ZNF18: variants seen among roughly 807,000 people sequenced by gnomAD.
The protein encoded by ZNF18 is heart development-specific gene 1 protein.
A neutral mutation model predicts 58.1 loss-of-function variants in ZNF18; 42 were observed. The observed-to-expected ratio is 0.72, with a 90% CI of 0.56 to 0.93. The LOEUF (loss-of-function observed/expected upper bound fraction) is 0.93, where lower values mean the gene tolerates loss of function less well. Ranked by LOEUF, ZNF18 falls within the 40% of genes least tolerant of loss-of-function variation. The pLI is 0.00. For synonymous variants in ZNF18, 231 were observed against 239.8 expected (o/e 0.96, Z 0.34); for missense variants, 540 against 644.2 (o/e 0.84, Z 1.75).
At chr17:11,998,141 G>A (rs1968582779), upstream of ZNF18, among the ~76,000 whole-genome samples, 1 of 151,874 alleles carries the variant, frequency 6.6e-6, no homozygotes, top group African/African-American at 2.4e-5. Context: ...TGAATCCTCT[G>A]ATTTGACCTC....
At position 11,983,304 on chromosome 17, in the gene ZNF18, G is replaced by A. The variant is rs2151473434; in HGVS notation, c.855C>T (p.Thr285=). The change falls in exon 6 of 7, where the codon ACC becomes ACT. Residue 285 remains threonine (T), a synonymous_variant. Transcript: ENST00000580306. ...CAATGAAAGATTACTCACCTATGCAGGTGGGTCTTGGGATCTTCTCATTGA... is the reference window on the plus strand; with the variant it reads ...CAATGAAAGATTACTCACCTATGCAAGTGGGTCTTGGGATCTTCTCATTGA... ...LHVNEKIPRP[T]CIGDRQENDK... is the part of the protein sequence containing the mutation. 6.2e-7 allele frequency: 1 copy of A among 1,610,974 alleles called. No individual in the cohort carries two copies. Among genetic ancestry groups the A allele is most frequent in the Non-Finnish European group, 8.5e-7 (1 of 1,177,192 alleles).
intron 1 of ZNF18, among the ~76,000 whole-genome samples, chr17:11,995,123 C>T (rs972302786): frequency 6.6e-6 from 1 of 151,896 alleles, no homozygotes; most frequent in African/African-American, 2.4e-5. Context: ...AAAAAGAAAC[C>T]CAGGTCTGAG....
At chr17:11,993,079 A>T (rs1597978185) in intron 1 of ZNF18, among the ~76,000 whole-genome samples, 168 bp from the exon 2 acceptor site, 1 of 152,202 alleles carries the variant, frequency 6.6e-6, no homozygotes, top group Admixed American at 6.5e-5. Flanking sequence ...TGAAGCCACA[A>T]AGCAAACTAC....
chr17:12,021,171 C>T, the ZNF18 span, among the ~76,000 whole-genome samples: 1 of 151,728 alleles, frequency 6.6e-6, no homozygotes, highest in Admixed American at 6.6e-5. Context: ...GCCTCCGGCC[C>T]GGCTTGGATC....
chr17:12,013,953 G>A, the ZNF18 span, among the ~76,000 whole-genome samples: 1 of 152,234 alleles, frequency 6.6e-6, no homozygotes, highest in Non-Finnish European at 1.5e-5. Flanking sequence ...GGGACCAAAA[G>A]TGACTGACAG....
intron 5 of ZNF18, 63 bp downstream of exon 5, chr17:11,984,050 G>A: frequency 6.7e-7 from 1 of 1,486,708 alleles, no homozygotes; most frequent in Non-Finnish European, 9.2e-7. Flanking sequence ...TAAGTGCATG[G>A]AAAATGCCTC....
chr17:11,988,799 C>T (rs1967912929), intron 4 of ZNF18, among the ~76,000 whole-genome samples: 1 of 150,186 alleles, frequency 6.7e-6, no homozygotes, highest in Admixed American at 6.6e-5. Context: ...AGCACCCCAC[C>T]AATGTGATAC....
At chr17:12,017,391 C>T in the ZNF18 span, among the ~76,000 whole-genome samples, 10 of 152,110 alleles carry the variant, frequency 6.6e-5, no homozygotes, top group African/African-American at 2.4e-4. Context: ...GTGGCCTGGT[C>T]CTGAGCCCTT....
the ZNF18 span, chr17:12,021,441 G>T: frequency 6.6e-6 from 1 of 151,914 alleles, no homozygotes; most frequent in Non-Finnish European, 1.5e-5. Flanking sequence ...GGCGAAGACA[G>T]CGGCCCCGGC....
At chr17:12,011,178 G>A in the ZNF18 span, 1 of 580,766 alleles carries the variant, frequency 1.7e-6, no homozygotes, top group East Asian at 3.0e-5. Flanking sequence ...AAAACTCCTG[G>A]AGAACATATA....
In ZNF18 at chr17:11,992,913, T is replaced by C; in HGVS notation, c.-82-2A>G. ...AAGAACTAGGTCTTCACCAGGACAC[T>C]AAAAAGGGAATGAGATTGAGTGCTA... On this transcript the variant is annotated splice_acceptor_variant, in intron 1 of 6. Coordinates refer to ENST00000580306, the MANE Select transcript of ZNF18 (RefSeq NM_001303281.2). LOFTEE classifies it low-confidence loss of function (5UTR_SPLICE). 5.5e-6 allele frequency: 8 copies of C among 1,446,872 alleles called. No individual in the cohort carries two copies. The highest frequency in any genetic ancestry group is 6.4e-6 in the Non-Finnish European group (7 of 1,086,648). The allele number at this position is 1,446,872 out of a possible 1,614,324, so 89.6% of individuals were successfully genotyped here. A position where few individuals can be genotyped will look rare whatever the true frequency, so the allele number is the denominator to read the frequency against.
At chr17:12,021,058 C>T in the ZNF18 span, 1 of 1,071,796 alleles carries the variant, frequency 9.3e-7, no homozygotes, top group Non-Finnish European at 1.2e-6. Context: ...CCCGCGTCGT[C>T]GCGGCCTGCC....
At chr17:12,003,669 G>A in the ZNF18 span, among the ~76,000 whole-genome samples, 1 of 152,150 alleles carries the variant, frequency 6.6e-6, no homozygotes, top group East Asian at 1.9e-4. Context: ...TGAGACTTCA[G>A]GATTTCAATG....
Position 11,992,863 on chromosome 17 carries a change from C to T in ZNF18, c.-34G>A, listed in dbSNP as rs763792636. On this transcript the variant is annotated 5_prime_UTR_variant, in exon 2 of 7. Transcript: ENST00000580306. ...CTGGCAAGTCCTTTTAAGTAAAGTGCTTCTGCAGTGGAATTGTCTCCGGCA... is the reference window on the plus strand; with the variant it reads ...CTGGCAAGTCCTTTTAAGTAAAGTGTTTCTGCAGTGGAATTGTCTCCGGCA... 10 of 1,586,308 alleles carry T rather than the reference C, an allele frequency of 6.3e-6. No individual in the cohort carries two copies. The South Asian group carries it at 6.7e-5, about 11-fold the overall frequency.
In ZNF18 at chr17:11,978,142, C is replaced by G; in HGVS notation, c.1465G>C (p.Glu489Gln). The stretch of plus-strand genomic sequence containing the variant: ...CAGATAGGACATTTATAGGGTTTCT[C>G]TCCTGTGTGGATTTTCTCGTGGTGG... ...LRHHEKIHTG[E>Q]KPYKCPICEK... The change falls in exon 7 of 7, where the codon GAG becomes CAG. Residue 489 changes from glutamate to glutamine, a missense_variant. Glu to Gln is a conservative substitution (Grantham distance 29, BLOSUM62 2). Transcript: ENST00000580306. The G allele has an allele frequency of 6.2e-7, 1 of 1,614,168 alleles. No homozygotes were observed. Among genetic ancestry groups the G allele is most frequent in the Non-Finnish European group, 8.5e-7 (1 of 1,180,030 alleles).
upstream of ZNF18, among the ~76,000 whole-genome samples, chr17:11,999,996 A>G (rs1053951117): frequency 1.3e-5 from 2 of 152,162 alleles, no homozygotes; most frequent in African/African-American, 4.8e-5. Context: ...ATCTCAGCTC[A>G]CTGCAACCTC....
the ZNF18 span, among the ~76,000 whole-genome samples, chr17:12,016,656 A>C: frequency 6.6e-6 from 1 of 151,838 alleles, no homozygotes; most frequent in African/African-American, 2.4e-5. Context: ...CAGTGAAGTT[A>C]GAGCAACAGA....
In ZNF18 at chr17:11,990,483, T is replaced by C; in HGVS notation, c.645A>G (p.Ser215=). 1 of 1,613,014 alleles carries C rather than the reference T, an allele frequency of 6.2e-7. No homozygotes were observed. Among genetic ancestry groups the C allele is most frequent in the Non-Finnish European group, 8.5e-7 (1 of 1,179,772 alleles). Reference sequence around the variant, plus strand: ...TCACCTGAGGTGCTGCTGGGAGCAGTGAGGCTCCGAGGTCCTGGTCTCTGA... The same window carrying C: ...TCACCTGAGGTGCTGCTGGGAGCAGCGAGGCTCCGAGGTCCTGGTCTCTGA... The part of the protein sequence containing the change: ...RLIRDQDLGA[S]LLPAAPQEQW... Residue 215 remains serine (S), a synonymous_variant, in exon 4 of 7, where the codon TCA becomes TCG. Transcript: ENST00000580306.
At chr17:11,993,627 T>G (rs544851554) in intron 1 of ZNF18, 1 of 151,914 alleles carries the variant, frequency 6.6e-6, no homozygotes, top group South Asian at 2.1e-4. Context: ...GAAACCATCC[T>G]GGTTAACACG....
Sources: gnomAD v4.1 joint callset for allele counts (sites outside exome capture counted in the v4.1 genomes callset) on GRCh38, gnomAD v4.1.1 for gene constraint, MANE v1.5 for transcripts, NCBI Gene and HGNC (gene_info 2026-07-23, HGNC 2026-07-21) for gene names.